CSMD1: variants seen among roughly 807,000 people sequenced by gnomAD.
CSMD1 encodes the protein CUB and Sushi multiple domains 1.
CSMD1 carries 213 observed loss-of-function variants against 417.5 expected under a neutral mutation model. The ratio of observed to expected loss-of-function variants is 0.51; its 90% CI spans 0.46 to 0.57. The LOEUF (loss-of-function observed/expected upper bound fraction) is 0.57. Ranked by LOEUF, CSMD1 falls within the 20% of genes least tolerant of loss-of-function variation. The pLI is 0.00. For missense variants in CSMD1, 6,923 were observed against 4,529.7 expected (o/e 1.53, Z -15.17); for synonymous variants, 2,862 against 1,736.8 (o/e 1.65, Z -16.11).
intron 3 of CSMD1, among the ~76,000 whole-genome samples, chr8:4,174,426 T>C (rs1286443464): frequency 2.0e-5 from 3 of 151,992 alleles, no homozygotes; most frequent in Non-Finnish European, 2.9e-5. Context: ...TCACCGTGTA[T>C]GTAATCTCCT....
chr8:4,155,681 C>T (rs1285345837), intron 3 of CSMD1, among the ~76,000 whole-genome samples: 1 of 152,034 alleles, frequency 6.6e-6, no homozygotes, highest in Non-Finnish European at 1.5e-5. Context: ...AGATTTTAAG[C>T]AAATTTCTAA....
chr8:2,951,890 A>G (rs1802661675), intron 65 of CSMD1, among the ~76,000 whole-genome samples: 2 of 152,190 alleles, frequency 1.3e-5, no homozygotes, highest in Non-Finnish European at 2.9e-5. Context: ...TTCCATGAGT[A>G]AGAAGAGATG....
At chr8:4,370,655 A>G (rs73510623) in intron 3 of CSMD1, among the ~76,000 whole-genome samples, 6,420 of 152,218 alleles carry the variant, frequency 0.042, 334 homozygotes, top group African/African-American at 0.12. Flanking sequence ...TAATTTTTGT[A>G]TGCTCACGTT....
intron 3 of CSMD1, among the ~76,000 whole-genome samples, chr8:4,273,478 T>C (rs369810537): frequency 6.6e-6 from 1 of 152,150 alleles, no homozygotes; most frequent in African/African-American, 2.4e-5. Flanking sequence ...AATAAATGCC[T>C]AATAAACTTA....
At chr8:4,579,074 T>A (rs763382233) in intron 2 of CSMD1, among the ~76,000 whole-genome samples, 4 of 152,010 alleles carry the variant, frequency 2.6e-5, no homozygotes, top group Non-Finnish European at 5.9e-5. Flanking sequence ...CAATAAACTG[T>A]TCCATTTATA....
At chr8:4,294,419 T>C (rs1004878968) in intron 3 of CSMD1, among the ~76,000 whole-genome samples, 2 of 152,170 alleles carry the variant, frequency 1.3e-5, no homozygotes, top group South Asian at 2.1e-4. Flanking sequence ...ATAGCTAATG[T>C]TTATCAGACA....
chr8:4,271,332 G>A (rs1179862033), intron 3 of CSMD1, among the ~76,000 whole-genome samples: 1 of 152,250 alleles, frequency 6.6e-6, no homozygotes, highest in Middle Eastern at 3.4e-3. Flanking sequence ...TCGTTCATTA[G>A]TAAGAAACAC....
At chr8:3,975,907 G>A (rs1010636014) in intron 5 of CSMD1, among the ~76,000 whole-genome samples, 2 of 152,002 alleles carry the variant, frequency 1.3e-5, no homozygotes, top group Non-Finnish European at 1.5e-5. Flanking sequence ...ATGAGTGAAT[G>A]TATTAGTTTC....
At chr8:4,075,303 A>G (rs1254627128) in intron 3 of CSMD1, among the ~76,000 whole-genome samples, 1 of 152,210 alleles carries the variant, frequency 6.6e-6, no homozygotes, top group Non-Finnish European at 1.5e-5. Context: ...GTTTATGTAA[A>G]TAAAAACATA....
At chr8:4,453,766 C>T (rs980895003) in intron 2 of CSMD1, among the ~76,000 whole-genome samples, 1 of 150,894 alleles carries the variant, frequency 6.6e-6, no homozygotes, top group African/African-American at 2.4e-5. Flanking sequence ...TTTGAGCGAA[C>T]GCCTCAGCTT....
chr8:3,106,222 CAAA>C (rs71199537), intron 46 of CSMD1, among the ~76,000 whole-genome samples: 1 of 126,240 alleles, frequency 7.9e-6, no homozygotes, highest in Non-Finnish European at 1.6e-5. Flanking sequence ...CCCATTTCTA[CAAA>C]AAAAAAAAAA....
At chr8:4,322,449 G>A (rs953690743) in intron 3 of CSMD1, among the ~76,000 whole-genome samples, 2 of 152,072 alleles carry the variant, frequency 1.3e-5, no homozygotes, top group Non-Finnish European at 2.9e-5. Flanking sequence ...CATAAGAGTA[G>A]GAAAAACCCA....
At chr8:3,526,200 A>G (rs1318385794) in intron 10 of CSMD1, among the ~76,000 whole-genome samples, 2 of 152,180 alleles carry the variant, frequency 1.3e-5, no homozygotes, top group Non-Finnish European at 2.9e-5. Flanking sequence ...TTTCTCATCA[A>G]TCATAAGACT....
At chr8:3,769,276 A>G (rs1001149997) in intron 5 of CSMD1, among the ~76,000 whole-genome samples, 70 of 152,314 alleles carry the variant, frequency 4.6e-4, no homozygotes, top group African/African-American at 1.1e-3. Flanking sequence ...ATCAGTAACA[A>G]ACTATAGCTA....
At chr8:3,935,630 A>G (rs150830094) in intron 5 of CSMD1, among the ~76,000 whole-genome samples, 1 of 152,240 alleles carries the variant, frequency 6.6e-6, no homozygotes, top group African/African-American at 2.4e-5. Flanking sequence ...TGGGGGCCCC[A>G]TATGTGTCCA....
chr8:4,910,616 C>A (rs1805597760), intron 1 of CSMD1, among the ~76,000 whole-genome samples: 1 of 152,180 alleles, frequency 6.6e-6, no homozygotes, highest in Admixed American at 6.6e-5. Flanking sequence ...CCAAAGTCTG[C>A]TCCTCCAAAT....
At chr8:4,281,446 G>C (rs760140405) in intron 3 of CSMD1, among the ~76,000 whole-genome samples, 3 of 152,186 alleles carry the variant, frequency 2.0e-5, no homozygotes, top group Non-Finnish European at 4.4e-5. Context: ...ACTTCAGAAG[G>C]AAACAATTTG....
intron 25 of CSMD1, among the ~76,000 whole-genome samples, chr8:3,304,650 C>G (rs544128542): frequency 2.0e-5 from 3 of 151,918 alleles, no homozygotes; most frequent in Non-Finnish European, 4.4e-5. Flanking sequence ...TTGAAATATA[C>G]GTATACGAAG....
At chr8:4,374,416 G>GA (rs1209888535) in intron 3 of CSMD1, among the ~76,000 whole-genome samples, 1 of 152,156 alleles carries the variant, frequency 6.6e-6, no homozygotes, top group African/African-American at 2.4e-5. Flanking sequence ...GAAGGCACCT[G>GA]AAAAAACTTT....
Sources: gnomAD v4.1 joint callset for allele counts (sites outside exome capture counted in the v4.1 genomes callset) on GRCh38, gnomAD v4.1.1 for gene constraint, MANE v1.5 for transcripts, NCBI Gene and HGNC (gene_info 2026-07-23, HGNC 2026-07-21) for gene names.